NEDD4: variants seen among roughly 807,000 people sequenced by gnomAD.
NEDD4 encodes NEDD4 E3 ubiquitin protein ligase, also known as E3 ubiquitin-protein ligase NEDD4.
A neutral mutation model predicts 144.9 loss-of-function variants in NEDD4; 99 were observed. That is an observed-to-expected ratio of 0.68 (90% CI 0.58 to 0.81). NEDD4 has a LOEUF of 0.81. NEDD4 is among the 30% of genes least tolerant of loss of function. The pLI is 0.00. For synonymous variants in NEDD4, 318 were observed against 350.6 expected (o/e 0.91, Z 1.04); for missense variants, 985 against 1,065.9 (o/e 0.92, Z 1.06).
intron 19 of NEDD4, 137 bp downstream of exon 19, chr15:55,841,797 T>C (rs1318691113): frequency 2.9e-6 from 2 of 681,806 alleles, no homozygotes; most frequent in East Asian, 2.7e-5. Context: ...GGTCTCGATA[T>C]CCTGACCTTG....
At chr15:55,967,486 A>G (rs944700317) in intron 1 of NEDD4, among the ~76,000 whole-genome samples, 13 of 131,742 alleles carry the variant, frequency 9.9e-5, no homozygotes, top group South Asian at 2.4e-4. Flanking sequence ...ATGTGTGTGT[A>G]TACAAATAAA....
intron 5 of NEDD4, among the ~76,000 whole-genome samples, chr15:55,920,066 T>C (rs1186094084): frequency 1.3e-5 from 2 of 152,162 alleles, no homozygotes; most frequent in Admixed American, 1.3e-4. Flanking sequence ...AAACACAGGT[T>C]GTGTAAGAAG....
chr15:55,862,191 G>A (rs749411345), intron 9 of NEDD4, among the ~76,000 whole-genome samples: 1 of 151,926 alleles, frequency 6.6e-6, no homozygotes, highest in Non-Finnish European at 1.5e-5. Context: ...GCATATATCA[G>A]GCACAAAATA....
intron 1 of NEDD4, among the ~76,000 whole-genome samples, chr15:55,975,124 C>T (rs2037678704): frequency 6.6e-6 from 1 of 151,926 alleles, no homozygotes; most frequent in Non-Finnish European, 1.5e-5. Context: ...AACTCCTGAC[C>T]TCAGGCAATC....
chr15:55,886,480 A>G (rs62043801), intron 5 of NEDD4, among the ~76,000 whole-genome samples: 14,247 of 152,244 alleles, frequency 0.094, 739 homozygotes, highest in Middle Eastern at 0.16. Context: ...TAAAAAATTG[A>G]AATGGGCCAG....
chr15:55,837,372 G>A (rs2033258251), intron 24 of NEDD4, among the ~76,000 whole-genome samples: 1 of 150,622 alleles, frequency 6.6e-6, no homozygotes, highest in African/African-American at 2.4e-5. Context: ...GCAGGTTGCA[G>A]TGAGCCGAGA....
chr15:55,922,123 C>G (rs973755003), intron 5 of NEDD4, among the ~76,000 whole-genome samples: 2 of 152,048 alleles, frequency 1.3e-5, no homozygotes, highest in African/African-American at 4.8e-5. Flanking sequence ...CATAGGGAGA[C>G]ATAAAAATGT....
chr15:55,959,650 T>G (rs1334574505), intron 2 of NEDD4, among the ~76,000 whole-genome samples: 1 of 152,324 alleles, frequency 6.6e-6, no homozygotes, highest in Admixed American at 6.5e-5. Flanking sequence ...TACATAAGAT[T>G]GTAATCCATC....
At chr15:55,864,613 C>G (rs2034521825) in intron 8 of NEDD4, among the ~76,000 whole-genome samples, 1 of 149,016 alleles carries the variant, frequency 6.7e-6, no homozygotes, top group Non-Finnish European at 1.5e-5. Context: ...ACCCGAGAGG[C>G]GGAGGTGATG....
At chr15:55,984,824 T>TA (rs1480167349) in intron 1 of NEDD4, among the ~76,000 whole-genome samples, 1 of 152,212 alleles carries the variant, frequency 6.6e-6, no homozygotes, top group East Asian at 1.9e-4. Flanking sequence ...ATAGAAGTCC[T>TA]AAAGAAGAAG....
chr15:55,965,934 G>T (rs1360263968), intron 2 of NEDD4, among the ~76,000 whole-genome samples: 2 of 152,168 alleles, frequency 1.3e-5, no homozygotes, highest in Non-Finnish European at 2.9e-5. Flanking sequence ...TTACAGGCAT[G>T]AGCCACCATG....
intron 4 of NEDD4, among the ~76,000 whole-genome samples, chr15:55,942,063 A>AT (rs34216809): frequency 0.53 from 79,302 of 150,058 alleles, 20,911 homozygotes; most frequent in African/African-American, 0.58. Flanking sequence ...TATATTTACT[A>AT]TTTTTTTTTT....
At chr15:55,835,439 T>TTTTTTTTTTC (rs1555392050) in intron 24 of NEDD4, among the ~76,000 whole-genome samples, 2 of 142,858 alleles carry the variant, frequency 1.4e-5, no homozygotes, top group Non-Finnish European at 3.0e-5. Context: ...TTTTTTTTTT[T>TTTTTTTTTTC]CCCATGCCCT....
At chr15:55,990,145 T>A (rs2140458485) in intron 1 of NEDD4, among the ~76,000 whole-genome samples, 1 of 151,936 alleles carries the variant, frequency 6.6e-6, no homozygotes, top group Non-Finnish European at 1.5e-5. Context: ...AATTCTACAT[T>A]ACGGTGAGCT....
intron 5 of NEDD4, among the ~76,000 whole-genome samples, chr15:55,902,417 A>C (rs2035940303): frequency 6.6e-6 from 1 of 152,152 alleles, no homozygotes; most frequent in South Asian, 2.1e-4. Flanking sequence ...TGGTGGCTTT[A>C]TATATGTAAA....
At chr15:55,971,012 T>C (rs1236992905) in intron 1 of NEDD4, among the ~76,000 whole-genome samples, 1 of 152,164 alleles carries the variant, frequency 6.6e-6, no homozygotes, top group Non-Finnish European at 1.5e-5. Context: ...AATAGCTGTT[T>C]TGAGGAAGCT....
intron 5 of NEDD4, among the ~76,000 whole-genome samples, chr15:55,920,193 A>ATT (rs1243208233): frequency 1.3e-5 from 2 of 150,906 alleles, no homozygotes; most frequent in African/African-American, 4.9e-5. Context: ...GTGGAAATAT[A>ATT]TATATTCATA....
chr15:55,906,853 T>A (rs371641320), intron 5 of NEDD4, among the ~76,000 whole-genome samples: 1 of 152,162 alleles, frequency 6.6e-6, no homozygotes, highest in South Asian at 2.1e-4. Context: ...CCCAATGCTT[T>A]GGGAGGCTGA....
intron 18 of NEDD4, among the ~76,000 whole-genome samples, chr15:55,843,902 T>C (rs1441496815): frequency 6.6e-6 from 1 of 152,026 alleles, no homozygotes; most frequent in Admixed American, 6.6e-5. Context: ...AAACATAGGG[T>C]AAGATGTCCT....
Sources: gnomAD v4.1 joint callset for allele counts (sites outside exome capture counted in the v4.1 genomes callset) on GRCh38, gnomAD v4.1.1 for gene constraint, MANE v1.5 for transcripts, NCBI Gene and HGNC (gene_info 2026-07-23, HGNC 2026-07-21) for gene names.